The following CTNNA2 variants were observed in gnomAD, a reference collection of about 807,000 sequenced individuals.
CTNNA2 encodes catenin alpha-2.
In CTNNA2, 42 loss-of-function variants were observed where a neutral mutation model predicts 101.0. The observed-to-expected ratio is 0.42, with a 90% CI of 0.32 to 0.54. CTNNA2 has a LOEUF of 0.54. Among genes scored for constraint, CTNNA2 ranks in the 20% least tolerant of loss-of-function variants. The pLI, the probability that CTNNA2 is intolerant of heterozygous loss-of-function variation, is 0.14. For missense variants in CTNNA2, 871 were observed against 1,223.1 expected, an observed-to-expected ratio of 0.71 and a Z score of 4.29; for synonymous variants, 450 against 456.4, an observed-to-expected ratio of 0.99 and a Z score of 0.18.
At chr2:80,643,376 C>T (rs1009720699) in intron 18 of CTNNA2, among the ~76,000 whole-genome samples, 2 of 152,082 alleles carry the variant, frequency 1.3e-5, no homozygotes, top group African/African-American at 4.8e-5. Context: ...AGCCTTGTCT[C>T]AGGGCTGGTT....
chr2:79,285,218 T>TG (rs1403071204), intron 2 of CTNNA2, among the ~76,000 whole-genome samples: 11 of 150,774 alleles, frequency 7.3e-5, no homozygotes, highest in African/African-American at 2.4e-4. Flanking sequence ...CTGGATTCAT[T>TG]AATTTTTTGA....
intron 2 of CTNNA2, among the ~76,000 whole-genome samples, chr2:79,311,317 G>A (rs1419674063): frequency 6.7e-6 from 1 of 149,840 alleles, no homozygotes; most frequent in South Asian, 2.1e-4. Flanking sequence ...GCTGAGGCAG[G>A]AGAATGGCGT....
At chr2:79,367,485 G>A (rs1225613833) in intron 3 of CTNNA2, among the ~76,000 whole-genome samples, 8 of 152,170 alleles carry the variant, frequency 5.3e-5, no homozygotes, top group African/African-American at 1.9e-4. Context: ...CAGTGGGACT[G>A]GAGCCAGGTA....
At chr2:80,574,069 G>A in intron 12 of CTNNA2, 94 bp from the exon 13 acceptor site, 1 of 1,335,102 alleles carries the variant, frequency 7.5e-7, no homozygotes. Flanking sequence ...TTAACTTTTA[G>A]AATGCCCGAG....
intron 7 of CTNNA2, among the ~76,000 whole-genome samples, chr2:80,097,334 C>A (rs113000242): frequency 0.22 from 33,261 of 151,934 alleles, 4,453 homozygotes; most frequent in East Asian, 0.51. Context: ...AATGTTGGCC[C>A]CCATTCTTTT....
chr2:79,655,153 T>C (rs1284180764), intron 2 of CTNNA2, among the ~76,000 whole-genome samples: 5 of 152,300 alleles, frequency 3.3e-5, no homozygotes, highest in African/African-American at 1.2e-4. Context: ...CAGAACAATC[T>C]GGTCTAAAAG....
At chr2:80,208,623 G>A (rs6722820) in intron 7 of CTNNA2, among the ~76,000 whole-genome samples, 29,568 of 151,902 alleles carry the variant, frequency 0.19, 4,020 homozygotes, top group African/African-American at 0.38. Flanking sequence ...CAGTCTCGGG[G>A]CACAGAGCAT....
rs80173827 is a variant in CTNNA2, at chr2:79,842,410, G to A, written c.299-15603G>A. On this transcript the variant is annotated intron_variant, in intron 3 of 18. Coordinates refer to ENST00000402739, the MANE Select transcript of CTNNA2 (RefSeq NM_001282597.3). The stretch of plus-strand genomic sequence containing the variant: ...ATTAAATGAGTAGATATAAGGCTTA[G>A]AACAGTATCTGGAACAAGGGAAGCA... Among the ~76,000 whole-genome samples, 118 of 152,286 alleles carry A rather than the reference G, an allele frequency of 7.7e-4. 1 individual carries two copies. The East Asian group carries it at 0.019, about 24-fold the overall frequency.
At chr2:80,090,008 T>C (rs1332219089) in intron 7 of CTNNA2, among the ~76,000 whole-genome samples, 1 of 151,976 alleles carries the variant, frequency 6.6e-6, no homozygotes, top group African/African-American at 2.4e-5. Context: ...CTATAAAACA[T>C]TGTTGATCTG....
At chr2:80,350,827 T>C (rs1306541102) in intron 7 of CTNNA2, among the ~76,000 whole-genome samples, 1 of 152,096 alleles carries the variant, frequency 6.6e-6, no homozygotes, top group Non-Finnish European at 1.5e-5. Context: ...CTGTTAATAT[T>C]AACAGCAGCC....
intron 9 of CTNNA2, among the ~76,000 whole-genome samples, chr2:80,501,156 C>T (rs17019243): frequency 0.053 from 8,013 of 152,148 alleles, 285 homozygotes; most frequent in African/African-American, 0.092. Flanking sequence ...GGCATAATGC[C>T]GATACAAGGA....
intron 3 of CTNNA2, among the ~76,000 whole-genome samples, chr2:79,833,742 T>C (rs1679098667): frequency 6.6e-6 from 1 of 152,196 alleles, no homozygotes. Flanking sequence ...TTTCTCTTTC[T>C]TAACCTCTAC....
chr2:80,237,312 A>G (rs950098420), intron 7 of CTNNA2, among the ~76,000 whole-genome samples: 6 of 152,228 alleles, frequency 3.9e-5, no homozygotes, highest in Admixed American at 2.0e-4. Context: ...CAAAATACAT[A>G]CAGTACCCAA....
intron 3 of CTNNA2, among the ~76,000 whole-genome samples, chr2:79,335,774 A>G (rs1676981223): frequency 6.6e-6 from 1 of 152,226 alleles, no homozygotes; most frequent in African/African-American, 2.4e-5. Flanking sequence ...TTAGGAAAGA[A>G]CAGCTCAATC....
At chr2:80,211,320 G>T (rs2149035776) in intron 7 of CTNNA2, among the ~76,000 whole-genome samples, 1 of 152,240 alleles carries the variant, frequency 6.6e-6, no homozygotes, top group Middle Eastern at 3.4e-3. Flanking sequence ...GTATTGCCTA[G>T]GTTTTCTTTT....
At chr2:80,374,688 T>C (rs912981726) in intron 7 of CTNNA2, among the ~76,000 whole-genome samples, 22 of 137,730 alleles carry the variant, frequency 1.6e-4, no homozygotes, top group South Asian at 6.9e-4. Context: ...CGTGCGTGTG[T>C]GTGTGTGTGT....
chr2:79,963,141 A>T (rs1689778979), intron 7 of CTNNA2, among the ~76,000 whole-genome samples: 1 of 151,104 alleles, frequency 6.6e-6, no homozygotes, highest in South Asian at 2.1e-4. Flanking sequence ...TTGCCTAAAG[A>T]TTGTGTTCTA....
intron 3 of CTNNA2, among the ~76,000 whole-genome samples, chr2:79,812,360 T>C (rs72914659): frequency 0.032 from 4,907 of 152,248 alleles, 290 homozygotes; most frequent in African/African-American, 0.11. Context: ...AGTAAGATGT[T>C]AGCTGTAGTT....
At chr2:79,325,478 A>G (rs1156265549) in intron 3 of CTNNA2, among the ~76,000 whole-genome samples, 2 of 152,210 alleles carry the variant, frequency 1.3e-5, no homozygotes, top group African/African-American at 2.4e-5. Context: ...GGGACCCTAT[A>G]TGCTAAACAT....
Sources: allele counts gnomAD v4.1 joint callset (sites outside exome capture counted in the v4.1 genomes callset), GRCh38; gene constraint gnomAD v4.1.1; transcripts MANE v1.5; gene names NCBI Gene and HGNC (gene_info 2026-07-23, HGNC 2026-07-21).